TNFRSF6B: variants seen among roughly 807,000 people sequenced by gnomAD.
TNFRSF6B encodes TNF receptor superfamily member 6b.
In TNFRSF6B, 23 loss-of-function variants were observed where a neutral mutation model predicts 17.9. That is an observed-to-expected ratio of 1.28 (90% CI 0.92 to 1.82). TNFRSF6B has a LOEUF of 1.82. Among genes scored for constraint, TNFRSF6B ranks in the 40% most tolerant of loss-of-function variants. The probability of loss-of-function intolerance (pLI) is 0.00; values close to 1 mark genes in which losing one functional copy is unlikely to be tolerated. For synonymous variants in TNFRSF6B, 291 were observed against 195.8 expected, an observed-to-expected ratio of 1.49 and a Z score of -4.06; for missense variants, 555 against 437.2, an observed-to-expected ratio of 1.27 and a Z score of -2.40.
chr20:63,697,296 C>G (rs1164987344), intron 1 of TNFRSF6B, 32 bp from the exon 2 acceptor site: 6 of 1,596,514 alleles, frequency 3.8e-6, no homozygotes, highest in Non-Finnish European at 5.1e-6. Context: ...GACACCAGTT[C>G]CCCTGACCCT....
Position 63,697,654 on chromosome 20 carries a change from G to A in TNFRSF6B, c.619+132G>A, listed in dbSNP as rs1283945931. On this transcript the variant is annotated intron_variant, in intron 2 of 2. Coordinates refer to ENST00000369996, the MANE Select transcript of TNFRSF6B (RefSeq NM_003823.4). ...GGAAGGGGCCACAGTGGATTTGAGG[G>A]GTCAGGGGTCCCTCCACTAGATCCC... is the stretch of plus-strand genomic sequence containing the variant. The A allele has an allele frequency of 4.0e-6, 4 of 1,007,038 alleles. No individual in the cohort carries two copies. In the East Asian group the frequency reaches 8.3e-5, roughly 21 times the overall value. 62.4% of individuals were successfully genotyped at this position (1,007,038 alleles called of 1,614,324 possible). A position where few individuals can be genotyped will look rare whatever the true frequency, so the allele number is the denominator to read the frequency against.
intron 2 of TNFRSF6B, among the ~76,000 whole-genome samples, chr20:63,697,731 C>T (rs1372372276): frequency 6.6e-6 from 1 of 152,180 alleles, no homozygotes; most frequent in African/African-American, 2.4e-5. Flanking sequence ...TGAGCCAGGG[C>T]ACAGCCTCCC....
At position 63,698,353 on chromosome 20, in the gene TNFRSF6B, G is replaced by C. The variant is rs751138050; in HGVS notation, c.693G>C (p.Arg231=). The C allele has an allele frequency of 7.4e-6, 12 of 1,610,928 alleles. No homozygotes were observed. The highest frequency in any genetic ancestry group is 1.0e-5 in the Non-Finnish European group (12 of 1,179,210). The change falls in exon 3 of 3, where the codon CGG becomes CGC. Residue 231 remains arginine (R), a synonymous_variant. Transcript: ENST00000369996. ...FQDISIKRLQ[R]LLQALEAPEG... is the part of the protein sequence containing the mutation. ...ACATCTCCATCAAGAGGCTGCAGCG[G>C]CTGCTGCAGGCCCTCGAGGCCCCGG...
chr20:63,696,819 C>T lies in TNFRSF6B; in HGVS notation c.52C>T (p.Leu18=). Residue 18 remains leucine, a synonymous_variant, in exon 1 of 3, where the codon CTG becomes TTG. Transcript: ENST00000369996. ...GLSLLCLVLA[L]PALLPVPAVR... is the part of the protein sequence containing the mutation. The stretch of plus-strand genomic sequence containing the variant: ...GTCGCTGCTGTGCCTGGTGTTGGCG[C>T]TGCCTGCCCTGCTGCCGGTGCCGGC... The T allele has an allele frequency of 6.2e-7, 1 of 1,609,416 alleles. No homozygotes were observed.
chr20:63,697,319 T>C lies in TNFRSF6B; in HGVS notation c.425-9T>C, dbSNP rs202040674. The C allele has an allele frequency of 1.2e-6, 2 of 1,603,000 alleles. No homozygotes were observed. Among genetic ancestry groups the C allele is most frequent in the South Asian group, 2.2e-5 (2 of 89,344 alleles). ...TTCCCCTGACCCTGTTCTTCCCTCC[T>C]GGCTGCAGGCACCCCCAGCCAGAAC... On this transcript the variant is annotated splice_polypyrimidine_tract_variant and intron_variant, in intron 1 of 2. Coordinates refer to ENST00000369996, the MANE Select transcript of TNFRSF6B (RefSeq NM_003823.4).
At position 63,696,792 on chromosome 20, in the gene TNFRSF6B, C is replaced by G. The variant is rs990360819; in HGVS notation, c.25C>G (p.Leu9Val). 1.2e-6 allele frequency: 2 copies of G among 1,603,352 alleles called. No homozygotes were observed. Among genetic ancestry groups the G allele is most frequent in the Non-Finnish European group, 1.7e-6 (2 of 1,175,274 alleles). Residue 9 changes from leucine (L) to valine (V), a missense_variant, in exon 1 of 3, where the codon CTG (leucine) becomes GTG (valine). By Grantham distance (32) the Leu-to-Val change is conservative (BLOSUM62 1). Transcript: ENST00000369996. The part of the protein sequence containing the change: MRALEGPG[L>V]SLLCLVLALP... ...CATGAGGGCGCTGGAGGGGCCAGGC[C>G]TGTCGCTGCTGTGCCTGGTGTTGGC...
rs1021916274 is a variant in TNFRSF6B, at chr20:63,697,579, A to C, written c.619+57A>C. 5.5e-6 allele frequency: 8 copies of C among 1,461,126 alleles called. No homozygotes were observed. The African/African-American group carries it at 9.9e-5, about 18-fold the overall frequency. The allele number at this position is 1,461,126 out of a possible 1,614,324, so 90.5% of individuals were successfully genotyped here. On this transcript the variant is annotated intron_variant, in intron 2 of 2. Coordinates refer to ENST00000369996, the MANE Select transcript of TNFRSF6B (RefSeq NM_003823.4). The stretch of plus-strand genomic sequence containing the variant: ...GCAGGCCAGGCCCACTTGTGCCCTC[A>C]CTCCTGCCCCTGCACGTGCATCTAG...
Position 63,696,714 on chromosome 20 carries a change from C to G in TNFRSF6B, c.-54C>G, listed in dbSNP as rs757404310. The G allele has an allele frequency of 1.4e-6, 2 of 1,466,832 alleles. No homozygotes were observed. The highest frequency in any genetic ancestry group is 2.5e-5 in the Admixed American group (1 of 40,778). 90.9% of individuals were successfully genotyped at this position (1,466,832 alleles called of 1,614,324 possible). A position where few individuals can be genotyped will look rare whatever the true frequency, so the allele number is the denominator to read the frequency against. ...AAGGAGGTGGCATGTCGGTCAGGCA[C>G]AGCAGGGTCCTGTGTCCGCGCTGAG... On this transcript the variant is annotated 5_prime_UTR_variant, in exon 1 of 3. Coordinates refer to ENST00000369996, the MANE Select transcript of TNFRSF6B (RefSeq NM_003823.4).
rs771487361 is a variant in TNFRSF6B at position 63,697,056 on chromosome 20, G to A, written c.289G>A (p.Glu97Lys). 6.2e-7 allele frequency: 1 copy of A among 1,607,682 alleles called. No homozygotes were observed. The highest frequency in any genetic ancestry group is 8.5e-7 in the Non-Finnish European group (1 of 1,179,560). Reference sequence around the variant, plus strand: ...CCGCTACTGCAACGTCCTCTGCGGGGAGCGTGAGGAGGAGGCACGGGCTTG... The same window carrying A: ...CCGCTACTGCAACGTCCTCTGCGGGAAGCGTGAGGAGGAGGCACGGGCTTG... ...RCRYCNVLCG[E>K]REEEARACHA... Residue 97 changes from glutamate (E) to lysine (K), a missense_variant, in exon 1 of 3, where the codon GAG becomes AAG. Glu to Lys is a moderately conservative substitution (Grantham distance 56). Transcript: ENST00000369996.
At position 63,697,106 on chromosome 20, in the gene TNFRSF6B, C is replaced by A. The variant is rs1172879352; in HGVS notation, c.339C>A (p.Cys113Ter). 6.2e-7 allele frequency: 1 copy of A among 1,601,520 alleles called. No homozygotes were observed. Among genetic ancestry groups the A allele is most frequent in the Admixed American group, 1.7e-5 (1 of 58,986 alleles). The change falls in exon 1 of 3, where the codon TGC (cysteine) becomes TGA (stop). Residue 113 changes from cysteine (C) to a stop codon, truncating the protein, a stop_gained. Transcript: ENST00000369996. LOFTEE classifies it high-confidence loss of function. Reference protein sequence around the residue: ...RACHATHNRACRCRTGFFAHA... With the variant: ...RACHATHNRA ...GCCACGCCACCCACAACCGTGCCTG[C>A]CGCTGCCGCACCGGCTTCTTCGCGC...
Position 63,698,576 on chromosome 20 carries a change from CTTAT to C in TNFRSF6B, c.*19_*22del, listed in dbSNP as rs764923023. On this transcript the variant is annotated 3_prime_UTR_variant, in exon 3 of 3. Coordinates refer to ENST00000369996, the MANE Select transcript of TNFRSF6B (RefSeq NM_003823.4). ...CCCTGTGCACTGATCCTGGCCCCCT[CTTAT>C]TTATTCTACATCCTTGGCACCCCAC... 3.1e-5 allele frequency: 45 copies of C among 1,475,006 alleles called. No homozygotes were observed. Among genetic ancestry groups the C allele is most frequent in the East Asian group, 1.3e-4 (5 of 37,874 alleles). The allele number at this position is 1,475,006 out of a possible 1,614,324, so 91.4% of individuals were successfully genotyped here. A position where few individuals can be genotyped will look rare whatever the true frequency, so the allele number is the denominator to read the frequency against.
Position 63,698,492 on chromosome 20 carries a change from C to G in TNFRSF6B, c.832C>G (p.Gln278Glu), listed in dbSNP as rs746247749. 1.9e-6 allele frequency: 3 copies of G among 1,547,926 alleles called. No individual in the cohort carries two copies. The highest frequency in any genetic ancestry group is 2.4e-5 in the East Asian group (1 of 41,086). Reference sequence around the variant, plus strand: ...CGGGGCGCTGCTGGTGCGGCTGCTGCAGGCGCTGCGCGTGGCCAGGATGCC... The same window carrying G: ...CGGGGCGCTGCTGGTGCGGCTGCTGGAGGCGCTGCGCGTGGCCAGGATGCC... ...QDGALLVRLL[Q>E]ALRVARMPGL... Residue 278 changes from glutamine (Q) to glutamate (E), a missense_variant, in exon 3 of 3, where the codon CAG (glutamine) becomes GAG (glutamate). Gln to Glu is a conservative substitution (Grantham distance 29). Coordinates refer to ENST00000369996, the MANE Select transcript of TNFRSF6B (RefSeq NM_003823.4).
rs1200256845 is a variant in TNFRSF6B at position 63,696,746 on chromosome 20, T to G, written c.-22T>G. On this transcript the variant is annotated 5_prime_UTR_variant, in exon 1 of 3. Coordinates refer to ENST00000369996, the MANE Select transcript of TNFRSF6B (RefSeq NM_003823.4). Reference sequence around the variant, plus strand: ...GTCCTGTGTCCGCGCTGAGCCGCGCTCTCCCTGCTCCAGCAAGGACCATGA... The same window carrying G: ...GTCCTGTGTCCGCGCTGAGCCGCGCGCTCCCTGCTCCAGCAAGGACCATGA... 2.3e-5 allele frequency: 36 copies of G among 1,540,508 alleles called. No individual in the cohort carries two copies. The highest frequency in any genetic ancestry group is 3.7e-5 in the South Asian group (3 of 81,972).
rs774165101 is a variant in TNFRSF6B at position 63,697,401 on chromosome 20, G to A, written c.498G>A (p.Glu166=). The change falls in exon 2 of 3, where the codon GAG becomes GAA. Residue 166 remains glutamate (E), a synonymous_variant. Coordinates refer to ENST00000369996, the MANE Select transcript of TNFRSF6B (RefSeq NM_003823.4). ...GTFSASSSSS[E]QCQPHRNCTA... Reference sequence around the variant, plus strand: ...TCTCAGCCAGCAGCTCCAGCTCAGAGCAGTGCCAGCCCCACCGCAACTGCA... The same window carrying A: ...TCTCAGCCAGCAGCTCCAGCTCAGAACAGTGCCAGCCCCACCGCAACTGCA... The A allele has an allele frequency of 6.2e-7, 1 of 1,611,618 alleles. No individual in the cohort carries two copies. Among genetic ancestry groups the A allele is most frequent in the Non-Finnish European group, 8.5e-7 (1 of 1,179,572 alleles).
At chr20:63,698,183 A>C (rs1601210651) in intron 2 of TNFRSF6B, 97 bp from the exon 3 acceptor site, 4 of 1,459,262 alleles carry the variant, frequency 2.7e-6, no homozygotes, top group Non-Finnish European at 1.8e-6. Flanking sequence ...TCTCCTGCAA[A>C]CCCCCCGAGT....
intron 2 of TNFRSF6B, 126 bp from the exon 3 acceptor site, chr20:63,698,154 C>A: frequency 8.0e-7 from 1 of 1,250,044 alleles, no homozygotes; most frequent in Non-Finnish European, 1.1e-6. Context: ...CAGCACGGCT[C>A]ACTGCACAGG....
chr20:63,698,503 C>A lies in TNFRSF6B; in HGVS notation c.843C>A (p.Arg281=). ...ALLVRLLQAL[R]VARMPGLERS... ...TGGTGCGGCTGCTGCAGGCGCTGCG[C>A]GTGGCCAGGATGCCCGGGCTGGAGC... The change falls in exon 3 of 3, where the codon CGC becomes CGA. Residue 281 remains arginine, a synonymous_variant. Transcript: ENST00000369996. 6.5e-7 allele frequency: 1 copy of A among 1,547,272 alleles called. No individual in the cohort carries two copies. The highest frequency in any genetic ancestry group is 8.7e-7 in the Non-Finnish European group (1 of 1,155,246).
At chr20:63,697,870 C>T (rs1219755148) in intron 2 of TNFRSF6B, among the ~76,000 whole-genome samples, 2 of 152,162 alleles carry the variant, frequency 1.3e-5, no homozygotes, top group Non-Finnish European at 2.9e-5. Context: ...AGGTGGCTGC[C>T]TCCTCTGACA....
rs2091005107 is a variant in TNFRSF6B, at chr20:63,697,374, C to T, written c.471C>T (p.Thr157=). Residue 157 remains threonine, a synonymous_variant, in exon 2 of 3, where the codon ACC becomes ACT. Transcript: ENST00000369996. ...NTQCQPCPPG[T]FSASSSSSEQ... is the part of the protein sequence containing the mutation. ...AGTGCCAGCCGTGCCCCCCAGGCAC[C>T]TTCTCAGCCAGCAGCTCCAGCTCAG... 1 of 1,612,032 alleles carries T rather than the reference C, an allele frequency of 6.2e-7. No individual in the cohort carries two copies. The highest frequency in any genetic ancestry group is 1.3e-5 in the African/African-American group (1 of 74,912).
Sources: allele counts gnomAD v4.1 joint callset (sites outside exome capture counted in the v4.1 genomes callset), GRCh38; gene constraint gnomAD v4.1.1; transcripts MANE v1.5; gene names NCBI Gene and HGNC (gene_info 2026-07-23, HGNC 2026-07-21).